The following FAM117A variants were observed in gnomAD, a reference collection of about 807,000 sequenced individuals.
The protein encoded by FAM117A is protein FAM117A.
Under a neutral mutation model 44.1 loss-of-function variants are expected in FAM117A, and 21 were observed. The ratio of observed to expected loss-of-function variants is 0.48; its 90% CI spans 0.34 to 0.69. FAM117A has a LOEUF of 0.69. Among genes scored for constraint, FAM117A ranks in the 30% least tolerant of loss-of-function variants. The pLI is 0.01. For missense variants in FAM117A, 498 were observed against 589.9 expected (o/e 0.84, Z 1.61); for synonymous variants, 220 against 238.3 (o/e 0.92, Z 0.71).
chr17:49,787,166 C>T (rs560594615), intron 1 of FAM117A, among the ~76,000 whole-genome samples: 2 of 152,280 alleles, frequency 1.3e-5, no homozygotes, highest in Admixed American at 1.3e-4. Flanking sequence ...GAGATCCTTA[C>T]CACCAGTTGG....
At chr17:49,757,194 A>C (rs1443193933) in intron 1 of FAM117A, among the ~76,000 whole-genome samples, 2 of 145,168 alleles carry the variant, frequency 1.4e-5, no homozygotes, top group African/African-American at 2.6e-5. Context: ...TCTGTCCTCC[A>C]CCCCCCCAGC....
intron 1 of FAM117A, among the ~76,000 whole-genome samples, chr17:49,770,432 T>A (rs1326103109): frequency 6.6e-6 from 1 of 152,186 alleles, no homozygotes; most frequent in Non-Finnish European, 1.5e-5. Flanking sequence ...TCCATGTATA[T>A]GAAATGTCCA....
intron 2 of FAM117A, among the ~76,000 whole-genome samples, chr17:49,724,202 A>T (rs1007525782): frequency 1.8e-4 from 28 of 152,260 alleles, no homozygotes; most frequent in Non-Finnish European, 1.5e-5. Flanking sequence ...CCCAGCAGAC[A>T]CACAAAGGAT....
Position 49,764,048 on chromosome 17 carries a change from A to G in FAM117A, c.40T>C (p.Trp14Arg). 1.3e-6 allele frequency: 1 copy of G among 743,846 alleles called. No homozygotes were observed. The highest frequency in any genetic ancestry group is 1.6e-6 in the Non-Finnish European group (1 of 627,840). 46.1% of individuals were successfully genotyped at this position (743,846 alleles called of 1,614,324 possible). ...AAAGGRGGGA[W>R]GPGRGGAGGL... ...CCGGCCCCTCCGCGCCCCGGCCCCC[A>G]GGCACCTCCGCCTCTGCCGCCCGCT... The change falls in exon 1 of 8, where the codon TGG becomes CGG. Residue 14 changes from tryptophan (W) to arginine (R), a missense_variant. Trp to Arg is a moderately radical substitution (Grantham distance 101). This residue lies in a region of FAM117A where 270 missense variants were observed against 277.4 expected (regional missense o/e 0.97). Transcript: ENST00000240364.
At position 49,720,345 on chromosome 17, in the gene FAM117A, G is replaced by A; in HGVS notation, c.554C>T (p.Ala185Val). 4 of 1,613,676 alleles carry A rather than the reference G, an allele frequency of 2.5e-6. No homozygotes were observed. The highest frequency in any genetic ancestry group is 3.4e-6 in the Non-Finnish European group (4 of 1,179,868). ...ACATACCCTCAGTGCTCCCCGCACT[G>A]CGTGGTCCCCTAGGAGTGGTGAACC... ...ERGSPLLGDH[A>V]VRGALRASPP... The change falls in exon 4 of 8, where the codon GCA (alanine) becomes GTA (valine). Residue 185 changes from alanine (A) to valine (V), a missense_variant. Transcript: ENST00000240364.
At chr17:49,754,464 C>A (rs1025817720) in intron 1 of FAM117A, among the ~76,000 whole-genome samples, 1 of 151,966 alleles carries the variant, frequency 6.6e-6, no homozygotes, top group African/African-American at 2.4e-5. Flanking sequence ...ACCACCACGC[C>A]CGGCTAATTT....
intron 1 of FAM117A, among the ~76,000 whole-genome samples, chr17:49,780,792 G>A (rs1384880966): frequency 1.3e-5 from 2 of 152,196 alleles, no homozygotes; most frequent in Non-Finnish European, 2.9e-5. Context: ...GGGGGAAAGG[G>A]TGAGGAGAAA....
intron 2 of FAM117A, among the ~76,000 whole-genome samples, chr17:49,723,488 T>A (rs1397337709): frequency 6.6e-6 from 1 of 152,052 alleles, no homozygotes; most frequent in Non-Finnish European, 1.5e-5. Flanking sequence ...ACCACCAGTA[T>A]CCCTACTTCC....
At chr17:49,775,396 G>A (rs539000897) in intron 1 of FAM117A, among the ~76,000 whole-genome samples, 25 of 152,278 alleles carry the variant, frequency 1.6e-4, no homozygotes, top group African/African-American at 5.8e-4. Context: ...TGGATTTCCT[G>A]TACCCAACAC....
intron 1 of FAM117A, among the ~76,000 whole-genome samples, chr17:49,756,390 G>A (rs2073698645): frequency 6.6e-6 from 1 of 152,054 alleles, no homozygotes; most frequent in African/African-American, 2.4e-5. Context: ...TCTTCATTTA[G>A]GATCAGATAA....
intron 1 of FAM117A, among the ~76,000 whole-genome samples, chr17:49,777,988 C>CT (rs2073779653): frequency 6.6e-6 from 1 of 152,164 alleles, no homozygotes; most frequent in African/African-American, 2.4e-5. Context: ...GAATTTGGTC[C>CT]TTCCTGGCGG....
intron 3 of FAM117A, among the ~76,000 whole-genome samples, chr17:49,720,673 A>G (rs2073529949): frequency 6.6e-6 from 1 of 152,162 alleles, no homozygotes; most frequent in Non-Finnish European, 1.5e-5. Flanking sequence ...TTAAAAATAT[A>G]CAACATGGAA....
At chr17:49,718,432 G>A (rs1057131802) in intron 5 of FAM117A, among the ~76,000 whole-genome samples, 31 of 152,280 alleles carry the variant, frequency 2.0e-4, no homozygotes, top group African/African-American at 7.5e-4. Flanking sequence ...ACTTTGGGAG[G>A]CTGAGGCGGG....
intron 1 of FAM117A, among the ~76,000 whole-genome samples, chr17:49,776,028 C>G (rs145915114): frequency 4.6e-4 from 70 of 152,258 alleles, no homozygotes; most frequent in African/African-American, 1.5e-3. Context: ...AGCACCACCC[C>G]CCTCCCTTCA....
chr17:49,729,771 T>C (rs957672703), intron 2 of FAM117A, among the ~76,000 whole-genome samples: 4 of 152,164 alleles, frequency 2.6e-5, no homozygotes, highest in Non-Finnish European at 4.4e-5. Flanking sequence ...CCCAAAGTGC[T>C]GGGATTACAG....
intron 1 of FAM117A, among the ~76,000 whole-genome samples, chr17:49,752,508 C>T (rs2073681591): frequency 6.6e-6 from 1 of 152,196 alleles, no homozygotes. Context: ...AGGTGCTTTT[C>T]TGGGTTTCAC....
intron 1 of FAM117A, among the ~76,000 whole-genome samples, chr17:49,739,511 G>A (rs981371660): frequency 2.0e-5 from 3 of 152,182 alleles, no homozygotes; most frequent in African/African-American, 7.2e-5. Context: ...AAATCTTCTA[G>A]GTGAGCCTAG....
chr17:49,731,463 G>GTGCTCAGGCCGA (rs140965221), intron 2 of FAM117A, among the ~76,000 whole-genome samples: 5,690 of 152,306 alleles, frequency 0.037, 360 homozygotes, highest in African/African-American at 0.13. Context: ...AGATACGTTC[G>GTGCTCAGGCCGA]TGCTAGCTTA....
At chr17:49,787,996 C>T (rs1169153190) in intron 1 of FAM117A, among the ~76,000 whole-genome samples, 2 of 152,148 alleles carry the variant, frequency 1.3e-5, no homozygotes, top group Non-Finnish European at 2.9e-5. Context: ...GTCTCAAACC[C>T]AAACACAGTG....
Sources: gnomAD v4.1 joint callset for allele counts (sites outside exome capture counted in the v4.1 genomes callset) on GRCh38, gnomAD v4.1.1 for gene constraint, gnomAD v4.1.1 regional missense constraint, MANE v1.5 for transcripts, NCBI Gene and HGNC (gene_info 2026-07-23, HGNC 2026-07-21) for gene names.